The following FAM135B variants were observed in gnomAD, a reference collection of about 807,000 sequenced individuals.
FAM135B encodes family with sequence similarity 135 member B.
In FAM135B, 43 loss-of-function variants were observed where a neutral mutation model predicts 127.7. That is an observed-to-expected ratio of 0.34 (90% CI 0.26 to 0.43). FAM135B has a LOEUF of 0.43. Among genes scored for constraint, FAM135B ranks in the 20% least tolerant of loss-of-function variants. The pLI is 1.00. For synonymous variants in FAM135B, 670 were observed against 665.1 expected (o/e 1.01, Z -0.11); for missense variants, 1,558 against 1,725.6 (o/e 0.90, Z 1.72).
At chr8:138,305,378 C>T (rs1826170813) in intron 3 of FAM135B, among the ~76,000 whole-genome samples, 1 of 152,040 alleles carries the variant, frequency 6.6e-6, no homozygotes, top group South Asian at 2.1e-4. Context: ...CTGATCAGCC[C>T]CCTAAGGGAA....
At chr8:138,360,863 C>T (rs1262211996) in intron 2 of FAM135B, among the ~76,000 whole-genome samples, 1 of 152,034 alleles carries the variant, frequency 6.6e-6, no homozygotes, top group African/African-American at 2.4e-5. Context: ...GTCTCCTAAG[C>T]CCCTCAACCA....
Position 138,153,093 on chromosome 8 carries a change from A to G in FAM135B, c.1382T>C (p.Val461Ala), listed in dbSNP as rs2130791077. 2 of 1,614,128 alleles carry G rather than the reference A, an allele frequency of 1.2e-6. No homozygotes were observed. Among genetic ancestry groups the G allele is most frequent in the South Asian group, 1.1e-5 (1 of 91,072 alleles). ...TTGGGATGGTTTTATGGTAGACAAG[A>G]CAAGGTCTTCCCTAAAAGATAAATT... is the stretch of plus-strand genomic sequence containing the variant. ...NSNLSFREDL[V>A]LSTIKPSQMD... Residue 461 changes from valine (V) to alanine (A), a missense_variant, in exon 13 of 20, where the codon GTC becomes GCC. Transcript: ENST00000395297.
At chr8:138,405,232 T>G (rs1223386022) in intron 1 of FAM135B, among the ~76,000 whole-genome samples, 1 of 151,914 alleles carries the variant, frequency 6.6e-6, no homozygotes, top group Non-Finnish European at 1.5e-5. Context: ...TTCTTCTTAT[T>G]ATTATACTTT....
intron 1 of FAM135B, among the ~76,000 whole-genome samples, chr8:138,489,164 T>C (rs1815107352): frequency 6.6e-6 from 1 of 152,202 alleles, no homozygotes; most frequent in Non-Finnish European, 1.5e-5. Context: ...GCCTAAAATG[T>C]ATGTGGATGT....
chr8:138,398,228 C>A (rs2131353454), intron 1 of FAM135B, among the ~76,000 whole-genome samples: 1 of 152,272 alleles, frequency 6.6e-6, no homozygotes, highest in African/African-American at 2.4e-5. Context: ...GTGGGACTCC[C>A]CAGCAAGGTG....
chr8:138,332,292 A>G (rs567453472), intron 2 of FAM135B, among the ~76,000 whole-genome samples: 1 of 152,244 alleles, frequency 6.6e-6, no homozygotes, highest in Non-Finnish European at 1.5e-5. Flanking sequence ...CTCTGCTTCC[A>G]GTTTTAGAAA....
intron 1 of FAM135B, among the ~76,000 whole-genome samples, chr8:138,448,488 C>G (rs190122181): frequency 1.9e-4 from 29 of 152,206 alleles, no homozygotes; most frequent in African/African-American, 6.7e-4. Flanking sequence ...TAGCAAGGAT[C>G]TTTTACTTAC....
chr8:138,369,328 G>C (rs192642654), intron 1 of FAM135B, among the ~76,000 whole-genome samples: 1 of 152,198 alleles, frequency 6.6e-6, no homozygotes, highest in East Asian at 1.9e-4. Flanking sequence ...CCCTCTTACT[G>C]CCCCCAGATG....
At chr8:138,451,887 A>G (rs1836503997) in intron 1 of FAM135B, among the ~76,000 whole-genome samples, 1 of 152,196 alleles carries the variant, frequency 6.6e-6, no homozygotes, top group Non-Finnish European at 1.5e-5. Flanking sequence ...GTTTCAAGAC[A>G]TTGCGGTATA....
chr8:138,206,207 C>T (rs1169259115), intron 7 of FAM135B, among the ~76,000 whole-genome samples: 1 of 148,012 alleles, frequency 6.8e-6, no homozygotes, highest in Non-Finnish European at 1.5e-5. Context: ...CTACCCACAG[C>T]TCTCTCATCC....
At chr8:138,188,793 G>A (rs744881) in intron 9 of FAM135B, among the ~76,000 whole-genome samples, 28,257 of 152,002 alleles carry the variant, frequency 0.19, 3,501 homozygotes, top group Non-Finnish European at 0.25. Flanking sequence ...GAGAGGCTCC[G>A]TATTCTCTCC....
At chr8:138,171,913 T>G (rs189692317) in intron 11 of FAM135B, among the ~76,000 whole-genome samples, 7 of 152,192 alleles carry the variant, frequency 4.6e-5, no homozygotes, top group Non-Finnish European at 8.8e-5. Context: ...TGTGTTTACA[T>G]GGACATATCT....
intron 1 of FAM135B, among the ~76,000 whole-genome samples, chr8:138,445,891 A>G (rs1564008960): frequency 6.6e-6 from 1 of 152,320 alleles, no homozygotes; most frequent in Admixed American, 6.5e-5. Context: ...ACATAATTGT[A>G]TATCTAGAAA....
chr8:138,205,654 G>C (rs1817496251), intron 7 of FAM135B, among the ~76,000 whole-genome samples: 1 of 152,072 alleles, frequency 6.6e-6, no homozygotes, highest in Non-Finnish European at 1.5e-5. Flanking sequence ...CCAGTACTCT[G>C]GATTGTGGTG....
At chr8:138,186,899 T>G (rs1815634586) in intron 9 of FAM135B, among the ~76,000 whole-genome samples, 1 of 152,194 alleles carries the variant, frequency 6.6e-6, no homozygotes, top group South Asian at 2.1e-4. Context: ...GGCCTTGTGT[T>G]TAGGCCCTGG....
chr8:138,254,163 T>C (rs1398265380), intron 5 of FAM135B, among the ~76,000 whole-genome samples: 1 of 152,202 alleles, frequency 6.6e-6, no homozygotes, highest in Non-Finnish European at 1.5e-5. Flanking sequence ...ATGTATTCTA[T>C]AATGACATCT....
chr8:138,253,907 A>T (rs950778323), intron 5 of FAM135B, among the ~76,000 whole-genome samples: 2 of 152,228 alleles, frequency 1.3e-5, no homozygotes, highest in Non-Finnish European at 2.9e-5. Context: ...TATGAAAATT[A>T]AAAAATGTGG....
At chr8:138,290,713 G>C (rs548824780) in intron 3 of FAM135B, among the ~76,000 whole-genome samples, 68 of 152,302 alleles carry the variant, frequency 4.5e-4, no homozygotes, top group Admixed American at 1.6e-3. Flanking sequence ...GAGAGACTTA[G>C]TGCAGGGATT....
At chr8:138,209,241 A>G (rs1817948715) in intron 7 of FAM135B, among the ~76,000 whole-genome samples, 1 of 152,200 alleles carries the variant, frequency 6.6e-6, no homozygotes, top group Non-Finnish European at 1.5e-5. Flanking sequence ...GGTCACAAAC[A>G]CATAATTGCA....
Sources: gnomAD v4.1 joint callset for allele counts (sites outside exome capture counted in the v4.1 genomes callset) on GRCh38, gnomAD v4.1.1 for gene constraint, MANE v1.5 for transcripts, NCBI Gene and HGNC (gene_info 2026-07-23, HGNC 2026-07-21) for gene names.